Variants in EHMT1 observed in about 807,000 individuals in gnomAD.
EHMT1 encodes histone-lysine N-methyltransferase EHMT1.
A neutral mutation model predicts 147.2 loss-of-function variants in EHMT1; 15 were observed. The observed-to-expected ratio is 0.10, with a 90% CI of 0.07 to 0.16. EHMT1 has a LOEUF of 0.16. Ranked by LOEUF, EHMT1 falls within the 10% of genes least tolerant of loss-of-function variation. The probability of loss-of-function intolerance (pLI) is 1.00; values close to 1 mark genes in which losing one functional copy is unlikely to be tolerated. For missense variants in EHMT1, 1,587 were observed against 1,772.4 expected, an observed-to-expected ratio of 0.90 and a Z score of 1.88; for synonymous variants, 795 against 709.6, an observed-to-expected ratio of 1.12 and a Z score of -1.91.
chr9:137,688,839 C>T (rs774317697), intron 1 of EHMT1, among the ~76,000 whole-genome samples: 40 of 152,166 alleles, frequency 2.6e-4, no homozygotes, highest in Non-Finnish European at 4.1e-4. Context: ...TTTGTGTCAT[C>T]CACCGAGTCT....
At chr9:137,659,152 G>C (rs1938799192) in intron 1 of EHMT1, among the ~76,000 whole-genome samples, 1 of 151,152 alleles carries the variant, frequency 6.6e-6, no homozygotes, top group Admixed American at 6.6e-5. Flanking sequence ...CTTATTCCAG[G>C]GTTTTCCTCC....
intron 24 of EHMT1, 56 bp downstream of exon 24, chr9:137,817,581 A>G: frequency 6.2e-7 from 1 of 1,607,802 alleles, no homozygotes; most frequent in Non-Finnish European, 8.5e-7. Flanking sequence ...ACGGAGGCCC[A>G]TCTGTGTCTG....
At chr9:137,668,780 G>A (rs1940023189) in intron 1 of EHMT1, among the ~76,000 whole-genome samples, 1 of 151,778 alleles carries the variant, frequency 6.6e-6, no homozygotes, top group South Asian at 2.1e-4. Flanking sequence ...GAACATTCAT[G>A]TACGAGTTTT....
chr9:137,692,767 C>G (rs1037620979), intron 1 of EHMT1, among the ~76,000 whole-genome samples: 1 of 152,132 alleles, frequency 6.6e-6, no homozygotes, highest in Non-Finnish European at 1.5e-5. Context: ...CCTGCTCCAG[C>G]CCTGGTGAAG....
In EHMT1 at chr9:137,757,944, G is replaced by A; in HGVS notation, c.1434G>A (p.Gly478=). Residue 478 remains glycine, a synonymous_variant, in exon 9 of 27, where the codon GGG becomes GGA. Coordinates refer to ENST00000460843, the MANE Select transcript of EHMT1 (RefSeq NM_024757.5). ...AEQTAPGDST[G]YMEVSLDSLD... ...AGACGGCACCAGGAGACAGCACAGG[G>A]TACATGGAAGTTTCTCTGGACTCCC... 6.2e-7 allele frequency: 1 copy of A among 1,614,094 alleles called. No homozygotes were observed.
At chr9:137,757,744 G>C in intron 8 of EHMT1, 136 bp from the exon 9 acceptor site, 3 of 1,304,076 alleles carry the variant, frequency 2.3e-6, no homozygotes, top group Non-Finnish European at 3.3e-6. Flanking sequence ...ACCATAGTGG[G>C]TTTCAACTTG....
chr9:137,794,135 A>G (rs1435658722), intron 16 of EHMT1, among the ~76,000 whole-genome samples: 3 of 152,158 alleles, frequency 2.0e-5, no homozygotes, highest in South Asian at 4.1e-4. Context: ...TTAAACTTTC[A>G]CTGTTTTCTC....
Position 137,813,089 on chromosome 9 carries a change from A to C in EHMT1, c.2951A>C (p.Gln984Pro). 2 of 1,613,656 alleles carry C rather than the reference A, an allele frequency of 1.2e-6. No homozygotes were observed. Among genetic ancestry groups the C allele is most frequent in the Non-Finnish European group, 1.7e-6 (2 of 1,179,926 alleles). Reference protein sequence around the residue: ...TPLQCASLNSQVWSALQMSKA... With the variant: ...TPLQCASLNSPVWSALQMSKA... Reference sequence around the variant, plus strand: ...CTGCAGTGTGCGAGCCTCAACTCTCAGGTGTGGAGCGCTCTGCAGATGAGC... The same window carrying C: ...CTGCAGTGTGCGAGCCTCAACTCTCCGGTGTGGAGCGCTCTGCAGATGAGC... Residue 984 changes from glutamine (Q) to proline (P), a missense_variant, in exon 20 of 27, where the codon CAG becomes CCG. By Grantham distance (76) the Gln-to-Pro change is moderately conservative. Coordinates refer to ENST00000460843, the MANE Select transcript of EHMT1 (RefSeq NM_024757.5). This position sits in a 1 kb window ranked among gnomAD's most constrained non-coding sequence, Gnocchi z 4.9.
At chr9:137,690,115 G>A (rs902069625) in intron 1 of EHMT1, among the ~76,000 whole-genome samples, 3 of 152,182 alleles carry the variant, frequency 2.0e-5, no homozygotes, top group African/African-American at 7.2e-5. Context: ...GGTGACGTGG[G>A]GAAAACTGTG....
At chr9:137,823,089 C>T (rs1336414941) in intron 25 of EHMT1, among the ~76,000 whole-genome samples, 37 of 141,794 alleles carry the variant, frequency 2.6e-4, no homozygotes, top group African/African-American at 9.4e-4. Context: ...GGCCACCATG[C>T]CTGGCTAATT....
chr9:137,787,937 C>T lies in EHMT1; in HGVS notation c.2383-2911C>T, dbSNP rs888702765. Reference sequence around the variant, plus strand: ...GCAAGTAGGAGGTGGGCAGCTGCCCCCAGAGGGAGGCCCTGTGTCCCCCAC... The same window carrying T: ...GCAAGTAGGAGGTGGGCAGCTGCCCTCAGAGGGAGGCCCTGTGTCCCCCAC... On this transcript the variant is annotated intron_variant, in intron 15 of 26. Transcript: ENST00000460843. This position sits in a 1 kb window ranked among gnomAD's most constrained non-coding sequence, Gnocchi z 4.2. The T allele has an allele frequency of 6.1e-5, 92 of 1,508,160 alleles. No individual in the cohort carries two copies. Among genetic ancestry groups the T allele is most frequent in the Non-Finnish European group, 7.2e-5 (78 of 1,088,952 alleles). 93.4% of individuals were successfully genotyped at this position (1,508,160 alleles called of 1,614,324 possible).
chr9:137,676,707 G>A (rs1305800579), intron 1 of EHMT1, among the ~76,000 whole-genome samples: 1 of 152,204 alleles, frequency 6.6e-6, no homozygotes, highest in Non-Finnish European at 1.5e-5. Context: ...GAGCAGTGGG[G>A]GAAGTGGGTG....
At chr9:137,668,216 A>G (rs1589173280) in intron 1 of EHMT1, among the ~76,000 whole-genome samples, 1 of 152,152 alleles carries the variant, frequency 6.6e-6, no homozygotes. Flanking sequence ...CAGAGAGTCT[A>G]ACTGACCTGG....
chr9:137,669,709 T>G (rs1005067715), intron 1 of EHMT1, among the ~76,000 whole-genome samples: 1 of 152,120 alleles, frequency 6.6e-6, no homozygotes. Flanking sequence ...AAAAAAGCTT[T>G]GCTTTTGTTT....
chr9:137,820,273 G>A (rs1285109406), intron 25 of EHMT1, among the ~76,000 whole-genome samples: 4 of 152,210 alleles, frequency 2.6e-5, no homozygotes, highest in South Asian at 2.1e-4. Context: ...GAGCTCTCAA[G>A]GGATGGCAAC....
intron 1 of EHMT1, among the ~76,000 whole-genome samples, chr9:137,679,268 G>A (rs536472141): frequency 6.6e-6 from 1 of 152,214 alleles, no homozygotes; most frequent in Non-Finnish European, 1.5e-5. Flanking sequence ...GTTTGTTTCT[G>A]GAATTTTTCA....
intron 1 of EHMT1, among the ~76,000 whole-genome samples, chr9:137,669,372 G>GCACT (rs1940181777): frequency 1.0e-5 from 1 of 96,910 alleles, no homozygotes; most frequent in Non-Finnish European, 2.1e-5. Context: ...CACAGCACGT[G>GCACT]CACTGGACTC....
rs145055789 is a variant in EHMT1 at position 137,717,060 on chromosome 9, G to A, written c.520G>A (p.Ala174Thr). ...TPSAFPQTPAAPPATLGEGSA... is the reference protein window; with the variant it reads ...TPSAFPQTPATPPATLGEGSA... ...AAGCGCTTTTCCCCAGACGCCAGCC[G>A]CCCCACCAGCCACCCTTGGGGAGGG... The change falls in exon 3 of 27, where the codon GCC (alanine) becomes ACC (threonine). Residue 174 changes from alanine (A) to threonine (T), a missense_variant. This residue lies in a region of EHMT1 where 810 missense variants were observed against 673.0 expected (regional missense o/e 1.20). Coordinates refer to ENST00000460843, the MANE Select transcript of EHMT1 (RefSeq NM_024757.5). The A allele has an allele frequency of 2.4e-5, 39 of 1,607,016 alleles. No homozygotes were observed. The highest frequency in any genetic ancestry group is 1.8e-4 in the East Asian group (8 of 44,750).
At chr9:137,780,503 C>T (rs867900681) in intron 14 of EHMT1, among the ~76,000 whole-genome samples, 28 of 64,188 alleles carry the variant, frequency 4.4e-4, no homozygotes, top group Middle Eastern at 0.017. Context: ...GACGCTGAGA[C>T]GTGTGGTGAT....
Sources: gnomAD v4.1 joint callset for allele counts (sites outside exome capture counted in the v4.1 genomes callset) on GRCh38, gnomAD v4.1.1 for gene constraint, gnomAD v4.1.1 regional missense constraint, Gnocchi (gnomAD v3.1) non-coding constraint, MANE v1.5 for transcripts, NCBI Gene and HGNC (gene_info 2026-07-23, HGNC 2026-07-21) for gene names.